DPYD: variants seen among roughly 807,000 people sequenced by gnomAD.
DPYD encodes dihydropyrimidine dehydrogenase [NADP(+)].
Under a neutral mutation model 116.2 loss-of-function variants are expected in DPYD, and 109 were observed. That is an observed-to-expected ratio of 0.94 (90% CI 0.80 to 1.10). The LOEUF (loss-of-function observed/expected upper bound fraction) is 1.10. Among genes scored for constraint, DPYD ranks in the 50% least tolerant of loss-of-function variants. The pLI is 0.00. For synonymous variants in DPYD, 440 were observed against 432.0 expected (o/e 1.02, Z -0.23); for missense variants, 1,302 against 1,254.5 (o/e 1.04, Z -0.57).
At chr1:97,536,450 T>C (rs1428193984) in intron 12 of DPYD, among the ~76,000 whole-genome samples, 1 of 152,186 alleles carries the variant, frequency 6.6e-6, no homozygotes, top group Non-Finnish European at 1.5e-5. Flanking sequence ...CAGTTGTCAT[T>C]TCAAAAGCCT....
chr1:97,686,968 C>T (rs1660770530), intron 7 of DPYD, among the ~76,000 whole-genome samples: 1 of 151,894 alleles, frequency 6.6e-6, no homozygotes, highest in African/African-American at 2.4e-5. Flanking sequence ...AAACCAACCC[C>T]ATTAAAAAGT....
rs7522200 is a variant in DPYD, at chr1:97,559,639, C to A, written c.1340-9895G>T. On this transcript the variant is annotated intron_variant, in intron 11 of 22. Coordinates refer to ENST00000370192, the MANE Select transcript of DPYD (RefSeq NM_000110.4). ...ATGTTATTTTTTGATATCCATCTTACGGCTTTTTTTTTTCCTTGTCAATCG... is the reference window on the plus strand; with the variant it reads ...ATGTTATTTTTTGATATCCATCTTAAGGCTTTTTTTTTTCCTTGTCAATCG... Among the ~76,000 whole-genome samples the A allele has an allele frequency of 4.9e-3, 741 of 151,544 alleles. 9 individuals carry two copies. The highest frequency in any genetic ancestry group is 0.017 in the African/African-American group (697 of 41,394).
At chr1:97,692,988 C>T (rs1661094769) in intron 6 of DPYD, among the ~76,000 whole-genome samples, 1 of 151,984 alleles carries the variant, frequency 6.6e-6, no homozygotes, top group Non-Finnish European at 1.5e-5. Flanking sequence ...AGACATCATG[C>T]TCAATGCTAT....
chr1:97,214,544 G>A (rs1660247242), intron 19 of DPYD, among the ~76,000 whole-genome samples: 1 of 152,136 alleles, frequency 6.6e-6, no homozygotes, highest in Non-Finnish European at 1.5e-5. Flanking sequence ...AGTGGATTAA[G>A]TGCCATACTG....
chr1:97,591,430 C>T (rs1654512140), intron 10 of DPYD, among the ~76,000 whole-genome samples: 1 of 152,126 alleles, frequency 6.6e-6, no homozygotes, highest in Admixed American at 6.5e-5. Flanking sequence ...TTGCCCAGAA[C>T]AATACCTGGT....
chr1:97,750,563 T>C (rs1486482488), intron 3 of DPYD, among the ~76,000 whole-genome samples: 1 of 152,162 alleles, frequency 6.6e-6, no homozygotes, highest in African/African-American at 2.4e-5. Context: ...CACATTATCC[T>C]AAGTAATTTT....
chr1:97,801,615 G>A (rs1357493530), intron 3 of DPYD, among the ~76,000 whole-genome samples: 5 of 151,826 alleles, frequency 3.3e-5, no homozygotes, highest in Non-Finnish European at 5.9e-5. Context: ...CAAAAAAGGC[G>A]AACCTGAGAA....
intron 8 of DPYD, among the ~76,000 whole-genome samples, chr1:97,656,822 T>A (rs533911768): frequency 1.1e-4 from 17 of 152,106 alleles, no homozygotes; most frequent in East Asian, 3.9e-4. Flanking sequence ...TTTTTTATTT[T>A]TTTTTTTTTC....
rs188324810 is a variant in DPYD at position 97,514,229 on chromosome 1, A to T, written c.1740+1497T>A. Reference sequence around the variant, plus strand: ...AAGGCAAGTGCTCCTAGGTTACTGAAAGACACAGCATCACAAATCAATGCA... The same window carrying T: ...AAGGCAAGTGCTCCTAGGTTACTGATAGACACAGCATCACAAATCAATGCA... On this transcript the variant is annotated intron_variant, in intron 13 of 22. Transcript: ENST00000370192. 4.1e-6 allele frequency: 4 copies of T among 985,084 alleles called. No individual in the cohort carries two copies. The Admixed American group carries it at 1.9e-4, about 46-fold the overall frequency. The allele number at this position is 985,084 out of a possible 1,614,324, so 61.0% of individuals were successfully genotyped here. A position where few individuals can be genotyped will look rare whatever the true frequency, so the allele number is the denominator to read the frequency against.
chr1:97,881,382 A>G (rs991000005), intron 2 of DPYD, among the ~76,000 whole-genome samples: 1 of 151,978 alleles, frequency 6.6e-6, no homozygotes, highest in Admixed American at 6.6e-5. Context: ...CTGTGAGAAA[A>G]TAAGTCTCTG....
At chr1:97,686,636 C>CAAAAAAAAAAA (rs1159274157) in intron 7 of DPYD, among the ~76,000 whole-genome samples, 6 of 10,064 alleles carry the variant, frequency 6.0e-4, no homozygotes, top group African/African-American at 2.0e-3. Context: ...GACTCTGTCT[C>CAAAAAAAAAAA]AAAAAAAAAA....
chr1:97,627,189 A>G (rs1656983421), intron 8 of DPYD, among the ~76,000 whole-genome samples: 1 of 151,948 alleles, frequency 6.6e-6, no homozygotes, highest in Non-Finnish European at 1.5e-5. Context: ...CAACATACAC[A>G]TTTAGGGAGA....
At chr1:97,602,989 A>T (rs1302585547) in intron 8 of DPYD, among the ~76,000 whole-genome samples, 1 of 151,990 alleles carries the variant, frequency 6.6e-6, no homozygotes, top group African/African-American at 2.4e-5. Flanking sequence ...GGTATTATTT[A>T]TTAAAGTATA....
intron 20 of DPYD, among the ~76,000 whole-genome samples, chr1:97,164,263 G>A (rs1013457074): frequency 5.3e-5 from 8 of 152,118 alleles, no homozygotes; most frequent in Non-Finnish European, 1.2e-4. Context: ...ACTAGGTATT[G>A]AAGGAACACA....
intron 3 of DPYD, among the ~76,000 whole-genome samples, chr1:97,758,237 C>A (rs1665365857): frequency 6.6e-6 from 1 of 151,980 alleles, no homozygotes; most frequent in Non-Finnish European, 1.5e-5. Flanking sequence ...TAAGTGAAAC[C>A]TCATTTTTAG....
At chr1:97,741,894 T>C (rs546490973) in intron 3 of DPYD, among the ~76,000 whole-genome samples, 4 of 152,082 alleles carry the variant, frequency 2.6e-5, no homozygotes, top group South Asian at 4.1e-4. Flanking sequence ...AATATTGAAA[T>C]AGAAGCTTGA....
At chr1:97,750,286 A>G (rs1482916187) in intron 3 of DPYD, among the ~76,000 whole-genome samples, 3 of 152,098 alleles carry the variant, frequency 2.0e-5, no homozygotes, top group Non-Finnish European at 4.4e-5. Context: ...AAAAATAAAA[A>G]TTTTTAAAAA....
intron 19 of DPYD, among the ~76,000 whole-genome samples, chr1:97,227,157 T>C (rs1661227428): frequency 6.6e-6 from 1 of 151,104 alleles, no homozygotes; most frequent in Non-Finnish European, 1.5e-5. Context: ...AAACCCCGTC[T>C]TTACAAAAAA....
At chr1:97,733,289 G>GT (rs1663738377) in intron 4 of DPYD, among the ~76,000 whole-genome samples, 1 of 151,804 alleles carries the variant, frequency 6.6e-6, no homozygotes, top group South Asian at 2.1e-4. Flanking sequence ...TTAATATATT[G>GT]TTTTTATTAT....
Sources: gnomAD v4.1 joint callset for allele counts (sites outside exome capture counted in the v4.1 genomes callset) on GRCh38, gnomAD v4.1.1 for gene constraint, MANE v1.5 for transcripts, NCBI Gene and HGNC (gene_info 2026-07-23, HGNC 2026-07-21) for gene names.